CPNE8: variants seen among roughly 807,000 people sequenced by gnomAD.
The protein encoded by CPNE8 is copine-8.
CPNE8 carries 45 observed loss-of-function variants against 81.5 expected under a neutral mutation model. The observed-to-expected ratio is 0.55, with a 90% CI of 0.44 to 0.71. The LOEUF is 0.71. CPNE8 is among the 30% of genes least tolerant of loss of function. The pLI, the probability that CPNE8 is intolerant of heterozygous loss-of-function variation, is 0.00. For synonymous variants in CPNE8, 252 were observed against 226.3 expected (o/e 1.11, Z -1.02); for missense variants, 594 against 672.1 (o/e 0.88, Z 1.28).
chr12:38,791,103 T>C (rs1332804714), intron 6 of CPNE8, among the ~76,000 whole-genome samples: 1 of 151,732 alleles, frequency 6.6e-6, no homozygotes. Flanking sequence ...TGTCTCTATA[T>C]AGATCGTACA....
Position 38,786,668 on chromosome 12 carries a change from C to T in CPNE8, c.408-10367G>A, listed in dbSNP as rs968207115. On this transcript the variant is annotated intron_variant, in intron 6 of 19. Coordinates refer to ENST00000331366, the MANE Select transcript of CPNE8 (RefSeq NM_153634.3). ...ATACAATATCCCATGCAAATGGAAACCAAATAAGAGTAGGAGCAGGTATAC... is the reference window on the plus strand; with the variant it reads ...ATACAATATCCCATGCAAATGGAAATCAAATAAGAGTAGGAGCAGGTATAC... 3.9e-5 allele frequency among the ~76,000 whole-genome samples: 6 copies of T among 151,920 alleles called. No homozygotes were observed. The East Asian group carries it at 1.2e-3, about 29-fold the overall frequency.
At chr12:38,688,452 C>T (rs1939590367) in intron 15 of CPNE8, among the ~76,000 whole-genome samples, 1 of 151,986 alleles carries the variant, frequency 6.6e-6, no homozygotes, top group Non-Finnish European at 1.5e-5. Context: ...ATGAGATTTT[C>T]TTCTTAATAA....
chr12:38,843,853 G>T (rs1943511850), intron 4 of CPNE8, among the ~76,000 whole-genome samples: 1 of 152,004 alleles, frequency 6.6e-6, no homozygotes. Flanking sequence ...CAAGGAGCTG[G>T]GCAATAGCTC....
intron 10 of CPNE8, among the ~76,000 whole-genome samples, chr12:38,755,641 T>C (rs1311716821): frequency 1.3e-5 from 2 of 152,186 alleles, no homozygotes; most frequent in African/African-American, 4.8e-5. Context: ...GATTTTAGCA[T>C]TGTGGTTTAA....
intron 3 of CPNE8, among the ~76,000 whole-genome samples, chr12:38,870,730 TTGTATACCTA>T (rs1943979757): frequency 6.6e-6 from 1 of 151,888 alleles, no homozygotes; most frequent in Non-Finnish European, 1.5e-5. Context: ...ACTATGGCAC[TTGTATACCTA>T]TGTAACAAAC....
chr12:38,748,570 A>G lies in CPNE8; in HGVS notation c.722+12277T>C, dbSNP rs574899503. Among the ~76,000 whole-genome samples the G allele has an allele frequency of 4.7e-3, 709 of 151,372 alleles. 5 individuals are homozygous for G. The highest frequency in any genetic ancestry group is 0.016 in the African/African-American group (658 of 41,238). ...GGCTGGAGTGCAGTGGCGTGATCGC[A>G]GCTCACTGCAAGCTCTGCCTCCCTG... On this transcript the variant is annotated intron_variant, in intron 10 of 19. Transcript: ENST00000331366.
intron 6 of CPNE8, among the ~76,000 whole-genome samples, chr12:38,828,327 G>A (rs1027274257): frequency 5.3e-5 from 8 of 152,064 alleles, no homozygotes; most frequent in African/African-American, 1.9e-4. Flanking sequence ...CTATAATTAT[G>A]TGAAAATAAA....
At chr12:38,900,100 T>C (rs1944437011) in intron 1 of CPNE8, among the ~76,000 whole-genome samples, 2 of 152,272 alleles carry the variant, frequency 1.3e-5, no homozygotes, top group Non-Finnish European at 2.9e-5. Flanking sequence ...CTTTAACAAC[T>C]GACTTACAAA....
chr12:38,776,077 C>A (rs552633855), intron 7 of CPNE8, among the ~76,000 whole-genome samples, 161 bp downstream of exon 7: 4 of 152,018 alleles, frequency 2.6e-5, no homozygotes, highest in Non-Finnish European at 4.4e-5. Context: ...AATACAGTCT[C>A]TCTGGTCATA....
At chr12:38,693,878 G>A in intron 14 of CPNE8, 40 bp from the exon 15 acceptor site, 2 of 1,494,152 alleles carry the variant, frequency 1.3e-6, no homozygotes, top group African/African-American at 1.4e-5. Flanking sequence ...AGCAATTAGG[G>A]TAAATAAATT....
chr12:38,693,566 A>T, intron 15 of CPNE8, 91 bp downstream of exon 15: 1 of 1,120,220 alleles, frequency 8.9e-7, no homozygotes, highest in Non-Finnish European at 1.3e-6. Context: ...AAAGCTTGCT[A>T]CTTGACTGAC....
At chr12:38,773,160 A>T (rs1941843481) in intron 7 of CPNE8, among the ~76,000 whole-genome samples, 1 of 152,066 alleles carries the variant, frequency 6.6e-6, no homozygotes, top group Admixed American at 6.6e-5. Flanking sequence ...GATTGAGGGG[A>T]AGAAGAAACT....
At chr12:38,729,255 C>A (rs895884479) in intron 11 of CPNE8, among the ~76,000 whole-genome samples, 1 of 151,984 alleles carries the variant, frequency 6.6e-6, no homozygotes, top group African/African-American at 2.4e-5. Context: ...CTGTTTAGAA[C>A]CTAAATATTC....
chr12:38,731,934 G>GT (rs375565381), intron 10 of CPNE8, among the ~76,000 whole-genome samples: 7,209 of 150,928 alleles, frequency 0.048, 581 homozygotes, highest in African/African-American at 0.16. Context: ...AATTATGAAG[G>GT]TTTTTTTTTA....
Position 38,829,256 on chromosome 12 carries a change from A to G in CPNE8, c.407+123T>C, listed in dbSNP as rs143713084. The G allele has an allele frequency of 1.0e-3, 659 of 640,346 alleles. 5 individuals carry two copies. The East Asian group carries it at 0.016, about 16-fold the overall frequency. The allele number at this position is 640,346 out of a possible 1,614,324, so 39.7% of individuals were successfully genotyped here. On this transcript the variant is annotated intron_variant, in intron 6 of 19. Coordinates refer to ENST00000331366, the MANE Select transcript of CPNE8 (RefSeq NM_153634.3). Reference sequence around the variant, plus strand: ...TATGTCAAAATTATTTGTTAAAAGAAAAAACTCAAACAAGATTTTAAAACC... The same window carrying G: ...TATGTCAAAATTATTTGTTAAAAGAGAAAACTCAAACAAGATTTTAAAACC...
intron 3 of CPNE8, among the ~76,000 whole-genome samples, chr12:38,866,731 C>T (rs1239495411): frequency 6.6e-6 from 1 of 152,100 alleles, no homozygotes; most frequent in Non-Finnish European, 1.5e-5. Context: ...AAAATGTGGC[C>T]TACATAGCAA....
chr12:38,661,687 A>G (rs1938956799), intron 19 of CPNE8, among the ~76,000 whole-genome samples: 1 of 152,154 alleles, frequency 6.6e-6, no homozygotes, highest in Non-Finnish European at 1.5e-5. Context: ...CCAAAACCAG[A>G]CAAGGACACA....
At chr12:38,766,550 A>G (rs182080365) in intron 8 of CPNE8, among the ~76,000 whole-genome samples, 15 of 152,320 alleles carry the variant, frequency 9.8e-5, no homozygotes, top group Admixed American at 9.8e-4. Flanking sequence ...TGCATCAACA[A>G]ACATCTCCCA....
Position 38,653,787 on chromosome 12 carries a change from A to G in CPNE8, c.*95T>C. On this transcript the variant is annotated 3_prime_UTR_variant, in exon 20 of 20. Coordinates refer to ENST00000331366, the MANE Select transcript of CPNE8 (RefSeq NM_153634.3). ...TAACTGCTGAAACCAAACTGAGAAA[A>G]CTATCTCATTGCCTGGTTCATTACA... 1.4e-6 allele frequency: 2 copies of G among 1,449,944 alleles called. No homozygotes were observed. Among genetic ancestry groups the G allele is most frequent in the Non-Finnish European group, 1.8e-6 (2 of 1,103,998 alleles). The allele number at this position is 1,449,944 out of a possible 1,614,324, so 89.8% of individuals were successfully genotyped here.
Sources: gnomAD v4.1 joint callset for allele counts (sites outside exome capture counted in the v4.1 genomes callset) on GRCh38, gnomAD v4.1.1 for gene constraint, MANE v1.5 for transcripts, NCBI Gene and HGNC (gene_info 2026-07-23, HGNC 2026-07-21) for gene names.